BMERB1: variants seen among roughly 807,000 people sequenced by gnomAD.
BMERB1 encodes the protein bMERB domain containing 1.
Under a neutral mutation model 23.6 loss-of-function variants are expected in BMERB1, and 12 were observed. The observed-to-expected ratio is 0.51, with a 90% CI of 0.33 to 0.82. BMERB1 has a LOEUF of 0.82. BMERB1 is among the 40% of genes least tolerant of loss of function. BMERB1 has a pLI of 0.03. For missense variants in BMERB1, 247 were observed against 255.4 expected, an observed-to-expected ratio of 0.97 and a Z score of 0.22; for synonymous variants, 122 against 96.6, an observed-to-expected ratio of 1.26 and a Z score of -1.54.
At chr16:15,506,049 C>G (rs991197545) in intron 1 of BMERB1, among the ~76,000 whole-genome samples, 1 of 152,064 alleles carries the variant, frequency 6.6e-6, no homozygotes, top group Non-Finnish European at 1.5e-5. Flanking sequence ...TCAGATAGAT[C>G]TGGGTTTGAG....
At chr16:15,435,223 C>T (rs150025128) in intron 1 of BMERB1, among the ~76,000 whole-genome samples, 106 of 152,282 alleles carry the variant, frequency 7.0e-4, no homozygotes, top group Middle Eastern at 6.8e-3. Flanking sequence ...CGTGAGGTTT[C>T]GGAGCGCACC....
intron 2 of BMERB1, among the ~76,000 whole-genome samples, chr16:15,525,706 GA>G (rs772716993): frequency 0.024 from 2,752 of 116,678 alleles, 80 homozygotes; most frequent in African/African-American, 0.074. Context: ...TCCCATCTCA[GA>G]AAAAAAAAAA....
intron 4 of BMERB1, among the ~76,000 whole-genome samples, chr16:15,581,812 C>T (rs1269187163): frequency 1.3e-5 from 2 of 152,162 alleles, no homozygotes; most frequent in Admixed American, 6.5e-5. Context: ...GCCTTGACCT[C>T]GACAACCACA....
At chr16:15,579,266 G>T (rs1384283124) in intron 3 of BMERB1, among the ~76,000 whole-genome samples, 4 of 152,172 alleles carry the variant, frequency 2.6e-5, no homozygotes, top group Non-Finnish European at 5.9e-5. Context: ...GTTGGTGCGT[G>T]CTTGGAGAGG....
rs148774774 is a variant in BMERB1, at chr16:15,506,429, C to T, written c.107-8876C>T. Reference sequence around the variant, plus strand: ...CCTTGTGATCCACCTGCCTCAGCCTCCCAAAGTGCTGGGATTACAGGCGTG... The same window carrying T: ...CCTTGTGATCCACCTGCCTCAGCCTTCCAAAGTGCTGGGATTACAGGCGTG... On this transcript the variant is annotated intron_variant, in intron 1 of 5. Coordinates refer to ENST00000300006, the MANE Select transcript of BMERB1 (RefSeq NM_033201.3). Among the ~76,000 whole-genome samples the T allele has an allele frequency of 2.7e-3, 410 of 152,280 alleles. 4 individuals carry two copies. The highest frequency in any genetic ancestry group is 8.7e-3 in the African/African-American group (362 of 41,544).
At chr16:15,504,553 A>G (rs1399710346) in intron 1 of BMERB1, among the ~76,000 whole-genome samples, 1 of 151,576 alleles carries the variant, frequency 6.6e-6, no homozygotes, top group Non-Finnish European at 1.5e-5. Context: ...GACCCAAGCG[A>G]TCCTCCCACC....
rs375685266 is a variant in BMERB1, at chr16:15,573,787, C to T, written c.304+5731C>T. Among the ~76,000 whole-genome samples the T allele has an allele frequency of 9.4e-3, 1,268 of 134,984 alleles. 11 individuals carry two copies. Among genetic ancestry groups the T allele is most frequent in the Middle Eastern group, 0.047 (11 of 232 alleles). 88.6% of individuals were successfully genotyped at this position (134,984 alleles called of 152,430 possible). On this transcript the variant is annotated intron_variant, in intron 3 of 5. Coordinates refer to ENST00000300006, the MANE Select transcript of BMERB1 (RefSeq NM_033201.3). ...AAGAACTGCCCAAGACTGGGTATAACGGAAAGAGGTTTCATTGACTCACAG... is the reference window on the plus strand; with the variant it reads ...AAGAACTGCCCAAGACTGGGTATAATGGAAAGAGGTTTCATTGACTCACAG...
At chr16:15,555,381 TTA>T (rs1261336085) in intron 2 of BMERB1, among the ~76,000 whole-genome samples, 9 of 152,220 alleles carry the variant, frequency 5.9e-5, no homozygotes, top group Non-Finnish European at 5.9e-5. Context: ...CATAATTTTT[TTA>T]TATCATACAT....
intron 1 of BMERB1, among the ~76,000 whole-genome samples, chr16:15,443,064 A>G (rs1348376627): frequency 2.6e-5 from 4 of 152,014 alleles, no homozygotes; most frequent in Admixed American, 1.3e-4. Context: ...CCTGAGCAAC[A>G]TGGTGAAACC....
intron 2 of BMERB1, among the ~76,000 whole-genome samples, chr16:15,525,715 AAAAG>A (rs1278779208): frequency 6.6e-6 from 1 of 151,920 alleles, no homozygotes; most frequent in African/African-American, 2.4e-5. Flanking sequence ...AGAAAAAAAA[AAAAG>A]AAAAAAGAAA....
At chr16:15,512,883 A>C (rs1172612473) in intron 1 of BMERB1, among the ~76,000 whole-genome samples, 1 of 152,076 alleles carries the variant, frequency 6.6e-6, no homozygotes, top group African/African-American at 2.4e-5. Context: ...CGTCTCAAAA[A>C]AAAAAAAGAG....
chr16:15,516,023 G>T (rs2051747766), intron 2 of BMERB1, among the ~76,000 whole-genome samples: 1 of 152,194 alleles, frequency 6.6e-6, no homozygotes, highest in Non-Finnish European at 1.5e-5. Flanking sequence ...TACTCAGGAG[G>T]CTGAGGTGGG....
chr16:15,456,489 A>G (rs938834785), intron 1 of BMERB1, among the ~76,000 whole-genome samples: 1 of 152,032 alleles, frequency 6.6e-6, no homozygotes, highest in Non-Finnish European at 1.5e-5. Context: ...GGCACATGCC[A>G]CCACACCCAG....
intron 1 of BMERB1, among the ~76,000 whole-genome samples, chr16:15,512,888 AAAG>A (rs1387453036): frequency 1.3e-5 from 2 of 152,046 alleles, no homozygotes; most frequent in Admixed American, 1.3e-4. Context: ...CAAAAAAAAA[AAAG>A]AGAAAAAGGA....
chr16:15,503,447 A>ATTTTTTTTTTTTTTTTTTTTTTTT (rs35592502), intron 1 of BMERB1, among the ~76,000 whole-genome samples: 1 of 133,322 alleles, frequency 7.5e-6, no homozygotes, highest in African/African-American at 2.7e-5. Context: ...ACGCCCGGCT[A>ATTTTTTTTTTTTTTTTTTTTTTTT]TTTTTTTTTT....
At chr16:15,541,679 G>C (rs1201154683) in intron 2 of BMERB1, among the ~76,000 whole-genome samples, 2 of 146,682 alleles carry the variant, frequency 1.4e-5, no homozygotes, top group Non-Finnish European at 3.0e-5. Context: ...TTGGCTCACT[G>C]CAAGCTCCGC....
At chr16:15,449,468 A>G (rs1193904622) in intron 1 of BMERB1, among the ~76,000 whole-genome samples, 2 of 152,282 alleles carry the variant, frequency 1.3e-5, no homozygotes, top group East Asian at 1.9e-4. Flanking sequence ...TCTCAGCATC[A>G]TGAAATACAC....
chr16:15,540,883 G>T (rs1340113758), intron 2 of BMERB1, among the ~76,000 whole-genome samples: 1 of 152,134 alleles, frequency 6.6e-6, no homozygotes, highest in African/African-American at 2.4e-5. Flanking sequence ...TACCAAATAC[G>T]TGCCATTTTT....
chr16:15,498,317 G>A (rs1331254431), intron 1 of BMERB1, among the ~76,000 whole-genome samples: 6 of 152,038 alleles, frequency 3.9e-5, no homozygotes, highest in Admixed American at 6.6e-5. Context: ...TGGGAGGATC[G>A]CTTGAGGCCG....
Sources: allele counts gnomAD v4.1 joint callset (sites outside exome capture counted in the v4.1 genomes callset), GRCh38; gene constraint gnomAD v4.1.1; transcripts MANE v1.5; gene names NCBI Gene and HGNC (gene_info 2026-07-23, HGNC 2026-07-21).